The following ASGR2 variants were observed in gnomAD, a reference collection of about 807,000 sequenced individuals.
ASGR2 encodes asialoglycoprotein receptor 2.
Under a neutral mutation model 32.3 loss-of-function variants are expected in ASGR2, and 34 were observed. That is an observed-to-expected ratio of 1.05 (90% CI 0.80 to 1.40). The LOEUF is 1.40. ASGR2 is among the 40% of genes most tolerant of loss of function. The pLI, the probability that ASGR2 is intolerant of heterozygous loss-of-function variation, is 0.00. For missense variants in ASGR2, 385 were observed against 386.4 expected (o/e 1.00, Z 0.03); for synonymous variants, 143 against 150.0 (o/e 0.95, Z 0.34).
In ASGR2 at chr17:7,107,991, C is replaced by G; in HGVS notation, c.338-84G>C. The G allele has an allele frequency of 6.6e-7, 1 of 1,517,516 alleles. No individual in the cohort carries two copies. Among genetic ancestry groups the G allele is most frequent in the Non-Finnish European group, 9.0e-7 (1 of 1,114,864 alleles). 94.0% of individuals were successfully genotyped at this position (1,517,516 alleles called of 1,614,324 possible). On this transcript the variant is annotated intron_variant, in intron 4 of 8. Coordinates refer to ENST00000691900, the MANE Select transcript of ASGR2 (RefSeq NM_001201352.2). This position sits in a 1 kb window ranked among gnomAD's most constrained non-coding sequence, Gnocchi z 5.0. ...GGGGACCGGGGGCCAGCGCCTCGTC[C>G]TGGGCGATGCAGGCGTCCACCTCCT...
At chr17:7,102,053 G>T (rs1912905936) in intron 8 of ASGR2, 37 bp downstream of exon 8, 1 of 1,587,326 alleles carries the variant, frequency 6.3e-7, no homozygotes, top group African/African-American at 1.3e-5. Context: ...TGTCCCCAGA[G>T]AAATCTAACA....
chr17:7,107,192 G>A lies in ASGR2; in HGVS notation c.496+39C>T. 6.2e-7 allele frequency: 1 copy of A among 1,614,184 alleles called. No homozygotes were observed. Among genetic ancestry groups the A allele is most frequent in the Non-Finnish European group, 8.5e-7 (1 of 1,180,030 alleles). ...GCAGGGAGATGAGATCCAGCCGGAG[G>A]GGCAGGCACACTGGGCCTGGAGACG... On this transcript the variant is annotated intron_variant, in intron 6 of 8. Coordinates refer to ENST00000691900, the MANE Select transcript of ASGR2 (RefSeq NM_001201352.2). The surrounding 1 kb of genome is among the most constrained non-coding windows in gnomAD (Gnocchi z 5.0).
At position 7,104,865 on chromosome 17, in the gene ASGR2, A is replaced by G. The variant is rs1003311652; in HGVS notation, c.648+2135T>C. 4.0e-5 allele frequency among the ~76,000 whole-genome samples: 6 copies of G among 149,670 alleles called. No individual in the cohort carries two copies. In the East Asian group the frequency reaches 1.2e-3, roughly 30 times the overall value. ...ATGGCGGGTGCCTGTAATCTCAGCTACTCGGGATACTAAGACAGGAGAATT... is the reference window on the plus strand; with the variant it reads ...ATGGCGGGTGCCTGTAATCTCAGCTGCTCGGGATACTAAGACAGGAGAATT... On this transcript the variant is annotated intron_variant, in intron 7 of 8. Coordinates refer to ENST00000691900, the MANE Select transcript of ASGR2 (RefSeq NM_001201352.2).
At position 7,107,844 on chromosome 17, in the gene ASGR2, A is replaced by G. The variant is rs369757097; in HGVS notation, c.401T>C (p.Leu134Pro). Residue 134 changes from leucine (L) to proline (P), a missense_variant, in exon 5 of 9, where the codon CTG becomes CCG. Transcript: ENST00000691900. This position sits in a 1 kb window ranked among gnomAD's most constrained non-coding sequence, Gnocchi z 5.0. ...GAKLEKQQQD[L>P]KADHDALLFH... is the part of the protein sequence containing the mutation. Reference sequence around the variant, plus strand: ...CCCGGAGGCTCTCTGACCTGCTTTCAGGTCCTGCTGCTGTTTCTCCAGCTT... The same window carrying G: ...CCCGGAGGCTCTCTGACCTGCTTTCGGGTCCTGCTGCTGTTTCTCCAGCTT... The G allele has an allele frequency of 6.2e-7, 1 of 1,612,958 alleles. No individual in the cohort carries two copies. Among genetic ancestry groups the G allele is most frequent in the East Asian group, 2.3e-5 (1 of 43,958 alleles).
intron 2 of ASGR2, among the ~76,000 whole-genome samples, chr17:7,111,666 A>G (rs1050711531): frequency 1.3e-5 from 2 of 150,926 alleles, no homozygotes; most frequent in Non-Finnish European, 2.9e-5. Flanking sequence ...CAAAAAAAAA[A>G]AAAAGAAAAG....
In ASGR2 at chr17:7,107,573, G is replaced by A. The variant is rs111529302; in HGVS notation, c.410-256C>T. ...TGCGTACACACACATATACCATACC[G>A]CACACACACAGACTCATCTCACACA... On this transcript the variant is annotated intron_variant, in intron 5 of 8. Transcript: ENST00000691900. The surrounding 1 kb of genome is among the most constrained non-coding windows in gnomAD (Gnocchi z 5.0). 2.7e-5 allele frequency: 17 copies of A among 629,228 alleles called. No individual in the cohort carries two copies. The highest frequency in any genetic ancestry group is 9.2e-5 in the African/African-American group (5 of 54,134). 39.0% of individuals were successfully genotyped at this position (629,228 alleles called of 1,614,324 possible).
chr17:7,102,295 T>C (rs1597372147), intron 7 of ASGR2, 99 bp from the exon 8 acceptor site: 1 of 989,342 alleles, frequency 1.0e-6, no homozygotes, highest in Non-Finnish European at 1.6e-6. Flanking sequence ...TTCCCCAGCC[T>C]GATCTGCCCT....
chr17:7,114,137 C>T lies in ASGR2; in HGVS notation c.104G>A (p.Arg35Lys). ...CTTGCCTTTCAAAAATGGATTTCCTCTCCTGGGATTCAGCCTGCGAGTGCC... is the reference window on the plus strand; with the variant it reads ...CTTGCCTTTCAAAAATGGATTTCCTTTCCTGGGATTCAGCCTGCGAGTGCC... ...GPGTRRLNPRRGNPFLKGPPP... is the reference protein window; with the variant it reads ...GPGTRRLNPRKGNPFLKGPPP... The change falls in exon 2 of 9, where the codon AGA (arginine) becomes AAA (lysine). Residue 35 changes from arginine (R) to lysine (K), a missense_variant. By Grantham distance (26) the Arg-to-Lys change is conservative. Transcript: ENST00000691900. This position sits in a 1 kb window ranked among gnomAD's most constrained non-coding sequence, Gnocchi z 4.5. The T allele has an allele frequency of 6.2e-7, 1 of 1,614,234 alleles. No individual in the cohort carries two copies. The highest frequency in any genetic ancestry group is 1.1e-5 in the South Asian group (1 of 91,088).
In ASGR2 at chr17:7,113,415, TACAC is replaced by T. The variant is rs544023568; in HGVS notation, c.124+698_124+701del. 4.5e-4 allele frequency among the ~76,000 whole-genome samples: 62 copies of T among 137,946 alleles called. No individual in the cohort carries two copies. The South Asian group carries it at 7.2e-3, about 16-fold the overall frequency. The allele number at this position is 137,946 out of a possible 152,430, so 90.5% of individuals were successfully genotyped here. A position where few individuals can be genotyped will look rare whatever the true frequency, so the allele number is the denominator to read the frequency against. On this transcript the variant is annotated intron_variant, in intron 2 of 8. Coordinates refer to ENST00000691900, the MANE Select transcript of ASGR2 (RefSeq NM_001201352.2). The surrounding 1 kb of genome is among the most constrained non-coding windows in gnomAD (Gnocchi z 5.1). ...ACACAACACACACACTCGCACAACA[TACAC>T]ACACGCACAACATACACAACACTCA... is the stretch of plus-strand genomic sequence containing the variant.
At chr17:7,106,365 G>A (rs1049341044) in intron 7 of ASGR2, among the ~76,000 whole-genome samples, 1 of 152,214 alleles carries the variant, frequency 6.6e-6, no homozygotes, top group South Asian at 2.1e-4. Flanking sequence ...CCACGAAGTT[G>A]TAGTGGTCAT....
chr17:7,113,395 A>G lies in ASGR2; in HGVS notation c.124+722T>C, dbSNP rs1914984154. ...AACACACTCACAACATACACACACA[A>G]CACACACACTCGCACAACATACACA... On this transcript the variant is annotated intron_variant, in intron 2 of 8. Transcript: ENST00000691900. This position sits in a 1 kb window ranked among gnomAD's most constrained non-coding sequence, Gnocchi z 5.1. 1.3e-5 allele frequency among the ~76,000 whole-genome samples: 2 copies of G among 150,186 alleles called. No individual in the cohort carries two copies. The highest frequency in any genetic ancestry group is 2.1e-4 in the South Asian group (1 of 4,744).
chr17:7,104,489 T>TA (rs1288937363), intron 7 of ASGR2, among the ~76,000 whole-genome samples: 6 of 148,620 alleles, frequency 4.0e-5, no homozygotes, highest in East Asian at 2.0e-4. Flanking sequence ...TTGTCTCTAC[T>TA]AAAAATATAA....
intron 2 of ASGR2, among the ~76,000 whole-genome samples, chr17:7,111,471 A>C (rs1475191939): frequency 1.3e-5 from 2 of 152,080 alleles, no homozygotes; most frequent in Non-Finnish European, 2.9e-5. Context: ...CCTGGCTAAC[A>C]TGGTGAAACC....
Position 7,114,752 on chromosome 17 carries a change from A to G in ASGR2, c.-208T>C. ...GAGTGGAGGAGGGGCTGGTCCGGGC[A>G]AGGCCTGCACTGGAGGGTCTGAGTG... On this transcript the variant is annotated 5_prime_UTR_variant, in exon 1 of 9. Transcript: ENST00000691900. This position sits in a 1 kb window ranked among gnomAD's most constrained non-coding sequence, Gnocchi z 4.5. 2 of 1,001,254 alleles carry G rather than the reference A, an allele frequency of 2.0e-6. No individual in the cohort carries two copies. The highest frequency in any genetic ancestry group is 1.0e-4 in the East Asian group (1 of 9,538). The allele number at this position is 1,001,254 out of a possible 1,614,324, so 62.0% of individuals were successfully genotyped here. A position where few individuals can be genotyped will look rare whatever the true frequency, so the allele number is the denominator to read the frequency against.
chr17:7,114,374 T>C lies in ASGR2; in HGVS notation c.-70-64A>G. On this transcript the variant is annotated intron_variant, in intron 1 of 8. Coordinates refer to ENST00000691900, the MANE Select transcript of ASGR2 (RefSeq NM_001201352.2). This position sits in a 1 kb window ranked among gnomAD's most constrained non-coding sequence, Gnocchi z 4.5. ...GGGATGGAACGCAGGGTCGGAGGGG[T>C]TCGGGGTGGTGGCCTGGGTAGGATC... The C allele has an allele frequency of 7.4e-7, 1 of 1,352,504 alleles. No homozygotes were observed. The highest frequency in any genetic ancestry group is 9.6e-7 in the Non-Finnish European group (1 of 1,043,228). 83.8% of individuals were successfully genotyped at this position (1,352,504 alleles called of 1,614,324 possible). A position where few individuals can be genotyped will look rare whatever the true frequency, so the allele number is the denominator to read the frequency against.
At position 7,114,039 on chromosome 17, in the gene ASGR2, C is replaced by T. The variant is rs1357137915; in HGVS notation, c.124+78G>A. 1.8e-5 allele frequency: 28 copies of T among 1,580,794 alleles called. No homozygotes were observed. The highest frequency in any genetic ancestry group is 1.3e-4 in the East Asian group (6 of 44,618). ...TCAGTCCCTGTTCACAGAGTGGGTGCGGCAGAGACCTCAAAGGGACAGAGC... is the reference window on the plus strand; with the variant it reads ...TCAGTCCCTGTTCACAGAGTGGGTGTGGCAGAGACCTCAAAGGGACAGAGC... On this transcript the variant is annotated intron_variant, in intron 2 of 8. Transcript: ENST00000691900. The surrounding 1 kb of genome is among the most constrained non-coding windows in gnomAD (Gnocchi z 4.5).
At chr17:7,102,265 AACTGT>A in intron 7 of ASGR2, 69 bp from the exon 8 acceptor site, 22 of 1,349,286 alleles carry the variant, frequency 1.6e-5, no homozygotes, top group Non-Finnish European at 2.1e-5. Flanking sequence ...GCAGGCATGG[AACTGT>A]GGCCCCTCTC....
intron 7 of ASGR2, among the ~76,000 whole-genome samples, chr17:7,103,930 G>A (rs7212883): frequency 1.7e-4 from 25 of 149,784 alleles, no homozygotes; most frequent in Non-Finnish European, 3.0e-4. Context: ...CTCCCTCCCC[G>A]CTCCCAAGAA....
intron 7 of ASGR2, 23 bp from the exon 8 acceptor site, chr17:7,102,219 A>C (rs966991402): frequency 6.3e-7 from 1 of 1,593,604 alleles, no homozygotes. Context: ...GCAAACAGGA[A>C]ATTTCTAGTC....
Sources: gnomAD v4.1 joint callset for allele counts (sites outside exome capture counted in the v4.1 genomes callset) on GRCh38, gnomAD v4.1.1 for gene constraint, Gnocchi (gnomAD v3.1) non-coding constraint, MANE v1.5 for transcripts, NCBI Gene and HGNC (gene_info 2026-07-23, HGNC 2026-07-21) for gene names.